SMG5: variants seen among roughly 807,000 people sequenced by gnomAD.
SMG5 encodes the protein SMG5 nonsense mediated mRNA decay factor.
In SMG5, 53 loss-of-function variants were observed where a neutral mutation model predicts 122.9. The ratio of observed to expected loss-of-function variants is 0.43; its 90% CI spans 0.35 to 0.54. SMG5 has a LOEUF of 0.54. Ranked by LOEUF, SMG5 falls within the 20% of genes least tolerant of loss-of-function variation. SMG5 has a pLI of 0.01. For missense variants in SMG5, 1,153 were observed against 1,285.6 expected (o/e 0.90, Z 1.58); for synonymous variants, 477 against 490.2 (o/e 0.97, Z 0.35).
chr1:156,252,217 C>G (rs1480367337), intron 19 of SMG5, among the ~76,000 whole-genome samples, 197 bp downstream of exon 19: 1 of 152,212 alleles, frequency 6.6e-6, no homozygotes, highest in Middle Eastern at 3.2e-3. Context: ...TCCCTTTGGT[C>G]ACCCTCTATT....
chr1:156,263,378 G>A lies in SMG5; in HGVS notation c.2031+17C>T. ...GACCCTGGGACCTGACAGGGGCAAT[G>A]GAGTGGACTGACACACCTGCGCACA... On this transcript the variant is annotated intron_variant, in intron 13 of 21. Coordinates refer to ENST00000361813, the MANE Select transcript of SMG5 (RefSeq NM_015327.3). 1 of 1,603,536 alleles carries A rather than the reference G, an allele frequency of 6.2e-7. No homozygotes were observed. Among genetic ancestry groups the A allele is most frequent in the Non-Finnish European group, 8.5e-7 (1 of 1,172,294 alleles).
At chr1:156,277,343 A>G (rs1279637848) in intron 3 of SMG5, 102 bp from the exon 4 acceptor site, 4 of 1,280,512 alleles carry the variant, frequency 3.1e-6, no homozygotes, top group Non-Finnish European at 4.3e-6. Flanking sequence ...AACTTCATCT[A>G]CATCTACTCT....
rs370868280 is a variant in SMG5, at chr1:156,251,503, G to C, written c.2754-26C>G. ...CTGCAGAGGAGATGTGCGAGTGGAG[G>C]TCAGGAGCAGGAGACTGGCAGGGTG... On this transcript the variant is annotated intron_variant, in intron 19 of 21. Coordinates refer to ENST00000361813, the MANE Select transcript of SMG5 (RefSeq NM_015327.3). 3 of 1,612,450 alleles carry C rather than the reference G, an allele frequency of 1.9e-6. No homozygotes were observed. In the African/African-American group the frequency reaches 4.0e-5, roughly 22 times the overall value.
intron 1 of SMG5, among the ~76,000 whole-genome samples, chr1:156,281,615 C>A (rs1443001149): frequency 6.6e-6 from 1 of 152,234 alleles, no homozygotes; most frequent in Non-Finnish European, 1.5e-5. Flanking sequence ...GACTCTTTCA[C>A]CGCCAAAATG....
the SMG5 span, chr1:156,291,491 A>G: frequency 3.7e-6 from 6 of 1,612,438 alleles, no homozygotes; most frequent in Non-Finnish European, 5.1e-6. Context: ...CCTCTACTAC[A>G]TGTTCGTGGT....
At chr1:156,272,743 AT>A (rs1172033224) in intron 6 of SMG5, among the ~76,000 whole-genome samples, 8 of 152,022 alleles carry the variant, frequency 5.3e-5, no homozygotes, top group Non-Finnish European at 1.2e-4. Context: ...TGCCCGGCTA[AT>A]TTTTTGTATT....
Position 156,268,426 on chromosome 1 carries a change from T to G in SMG5, c.714-11A>C, listed in dbSNP as rs200938428. The G allele has an allele frequency of 6.2e-7, 1 of 1,612,978 alleles. No individual in the cohort carries two copies. The highest frequency in any genetic ancestry group is 1.3e-5 in the African/African-American group (1 of 74,884). ...ACTTCTGACTGGATGCTGTAAGAGA[T>G]AGAGGTGAGCTACTGAGTCTTGGCA... On this transcript the variant is annotated splice_polypyrimidine_tract_variant and intron_variant, in intron 7 of 21. Coordinates refer to ENST00000361813, the MANE Select transcript of SMG5 (RefSeq NM_015327.3).
chr1:156,277,380 A>G, intron 3 of SMG5, 139 bp from the exon 4 acceptor site: 4 of 958,668 alleles, frequency 4.2e-6, no homozygotes, highest in Non-Finnish European at 6.1e-6. Context: ...TCATACTCTT[A>G]GCTCTAACTC....
At chr1:156,261,890 CAA>C (rs61569049) in intron 13 of SMG5, among the ~76,000 whole-genome samples, 22,953 of 90,140 alleles carry the variant, frequency 0.25, 2,588 homozygotes, top group African/African-American at 0.38. Context: ...AACTCCTTCT[CAA>C]AAAAAAAAAA....
At chr1:156,278,085 T>C (rs968298899) in intron 2 of SMG5, 37 bp from the exon 3 acceptor site, 3 of 1,610,634 alleles carry the variant, frequency 1.9e-6, no homozygotes, top group East Asian at 2.2e-5. Context: ...AGACAGCCCA[T>C]CCCTTGGAGC....
At chr1:156,286,601 G>T, upstream of SMG5, 1 of 906,118 alleles carries the variant, frequency 1.1e-6, no homozygotes. Context: ...GTGCCCTGGG[G>T]AGATAAGTCC....
At chr1:156,271,668 G>GGTTCAAATGATTCTCCTGC (rs1662440732) in intron 7 of SMG5, among the ~76,000 whole-genome samples, 1 of 103,424 alleles carries the variant, frequency 9.7e-6, no homozygotes, top group Admixed American at 9.6e-5. Context: ...CTGCCTCCTG[G>GGTTCAAATGATTCTCCTGC]GTTCAAGTGA....
At chr1:156,272,473 G>A in intron 6 of SMG5, 75 bp from the exon 7 acceptor site, 1 of 1,246,160 alleles carries the variant, frequency 8.0e-7, no homozygotes, top group Non-Finnish European at 1.2e-6. Flanking sequence ...CCAATGCTAA[G>A]CATCAGAGAA....
At chr1:156,273,542 C>A (rs1357163241) in intron 5 of SMG5, 92 bp from the exon 6 acceptor site, 1 of 1,231,038 alleles carries the variant, frequency 8.1e-7, no homozygotes, top group African/African-American at 1.5e-5. Context: ...AGAGTGGTAA[C>A]AAGAGCCTGG....
At position 156,250,951 on chromosome 1, in the gene SMG5, G is replaced by A; in HGVS notation, c.2874C>T (p.Ala958=). ...ILDSCKQLTL[A]QGAGEEDPSG... Reference sequence around the variant, plus strand: ...TCGGATCCTCCTCACCTGCCCCCTGGGCCAGAGTCAGCTGTTTGCAGCTGT... The same window carrying A: ...TCGGATCCTCCTCACCTGCCCCCTGAGCCAGAGTCAGCTGTTTGCAGCTGT... The change falls in exon 21 of 22, where the codon GCC becomes GCT. Residue 958 remains alanine, a synonymous_variant. Coordinates refer to ENST00000361813, the MANE Select transcript of SMG5 (RefSeq NM_015327.3). The A allele has an allele frequency of 6.2e-7, 1 of 1,614,008 alleles. No individual in the cohort carries two copies.
At chr1:156,266,461 C>A in intron 11 of SMG5, 80 bp downstream of exon 11, 1 of 1,605,824 alleles carries the variant, frequency 6.2e-7, no homozygotes, top group East Asian at 2.2e-5. Context: ...ACACCACTTC[C>A]CCCGAGTCTG....
rs1166068887 is a variant in SMG5, at chr1:156,252,395, C to T, written c.2753+19G>A. 1 of 1,612,636 alleles carries T rather than the reference C, an allele frequency of 6.2e-7. No homozygotes were observed. Among genetic ancestry groups the T allele is most frequent in the East Asian group, 2.2e-5 (1 of 44,878 alleles). On this transcript the variant is annotated intron_variant, in intron 19 of 21. Transcript: ENST00000361813. The stretch of plus-strand genomic sequence containing the variant: ...GACAGACCCAGGGCTCAGCACAGGT[C>T]CAGCCAGGCCACACTCACCTGTTTC...
chr1:156,284,841 T>C (rs1194831631), upstream of SMG5, among the ~76,000 whole-genome samples: 1 of 152,162 alleles, frequency 6.6e-6, no homozygotes, highest in Non-Finnish European at 1.5e-5. Flanking sequence ...CTGCCTCCTA[T>C]TCCTGCATTA....
In SMG5 at chr1:156,266,149, C is replaced by T. The variant is rs1414207451; in HGVS notation, c.1487G>A (p.Gly496Asp). 1 of 1,614,122 alleles carries T rather than the reference C, an allele frequency of 6.2e-7. No individual in the cohort carries two copies. The highest frequency in any genetic ancestry group is 8.5e-7 in the Non-Finnish European group (1 of 1,180,048). Reference sequence around the variant, plus strand: ...CCCACCTTCAAGACTCTTGTCAGAGCCACTGTCTGAGCCCTCACTGGCCCG... The same window carrying T: ...CCCACCTTCAAGACTCTTGTCAGAGTCACTGTCTGAGCCCTCACTGGCCCG... Reference protein sequence around the residue: ...SARASEGSDSGSDKSLEGGGT... With the variant: ...SARASEGSDSDSDKSLEGGGT... The change falls in exon 12 of 22, where the codon GGC (glycine) becomes GAC (aspartate). Residue 496 changes from glycine to aspartate, a missense_variant. This residue lies in a region of SMG5 where 631 missense variants were observed against 650.6 expected (regional missense o/e 0.97). Coordinates refer to ENST00000361813, the MANE Select transcript of SMG5 (RefSeq NM_015327.3).
Sources: allele counts gnomAD v4.1 joint callset (sites outside exome capture counted in the v4.1 genomes callset), GRCh38; gene constraint gnomAD v4.1.1; regional missense constraint gnomAD v4.1.1; transcripts MANE v1.5; gene names NCBI Gene and HGNC (gene_info 2026-07-23, HGNC 2026-07-21).